CYREN: variants seen among roughly 807,000 people sequenced by gnomAD.
CYREN encodes cell cycle regulator of NHEJ.
A neutral mutation model predicts 9.7 loss-of-function variants in CYREN; 7 were observed. The ratio of observed to expected loss-of-function variants is 0.72; its 90% confidence interval spans 0.41 to 1.36. The LOEUF (loss-of-function observed/expected upper bound fraction) is 1.36. CYREN is among the 40% of genes most tolerant of loss of function. The pLI is 0.01. For missense variants in CYREN, 215 were observed against 198.1 expected (o/e 1.09, Z -0.51); for synonymous variants, 76 against 77.9 (o/e 0.98, Z 0.13).
chr7:135,129,060 T>C, intron 2 of CYREN: 1 of 1,608,684 alleles, frequency 6.2e-7, no homozygotes, highest in Non-Finnish European at 8.5e-7. Flanking sequence ...ATGCCTCAAC[T>C]GCCCAGAACC....
chr7:135,127,547 G>A (rs572599381), intron 2 of CYREN, among the ~76,000 whole-genome samples: 198 of 43,004 alleles, frequency 4.6e-3, no homozygotes, highest in African/African-American at 0.012. Flanking sequence ...GCAAGTCTCC[G>A]TCTAAAAAAA....
At chr7:135,102,022 C>T (rs940100536) in intron 2 of CYREN, among the ~76,000 whole-genome samples, 1 of 152,170 alleles carries the variant, frequency 6.6e-6, no homozygotes, top group African/African-American at 2.4e-5. Flanking sequence ...TTTTGCCTTC[C>T]ACCATGATCG....
chr7:135,161,170 G>A (rs191903364), downstream of CYREN, among the ~76,000 whole-genome samples: 565 of 152,246 alleles, frequency 3.7e-3, 2 homozygotes, highest in Admixed American at 6.3e-3. The surrounding 1 kb of genome is among the most constrained non-coding windows in gnomAD (Gnocchi z 4.1). Flanking sequence ...TTCTTGGCTC[G>A]TTTTGTTTTG....
chr7:135,166,480 AG>A lies in CYREN; in HGVS notation c.*130del. The A allele has an allele frequency of 7.0e-7, 1 of 1,432,878 alleles. No homozygotes were observed. The highest frequency in any genetic ancestry group is 9.3e-7 in the Non-Finnish European group (1 of 1,081,068). The allele number at this position is 1,432,878 out of a possible 1,614,324, so 88.8% of individuals were successfully genotyped here. The stretch of plus-strand genomic sequence containing the variant: ...GCTTCTGGCCTGAGGTGAATCTGCC[AG>A]GCCCAAGAAGGCACAAAGGTAGGAG... On this transcript the variant is annotated 3_prime_UTR_variant, in exon 4 of 4. Coordinates refer to ENST00000393114, the MANE Select transcript of CYREN (RefSeq NM_024033.4).
intron 2 of CYREN, among the ~76,000 whole-genome samples, chr7:135,139,595 T>G (rs1181716049): frequency 6.6e-6 from 1 of 152,058 alleles, no homozygotes; most frequent in African/African-American, 2.4e-5. Context: ...CACTTGTAAT[T>G]TTTGTTTTTG....
chr7:135,170,340 T>C (rs1366770896), intron 1 of CYREN: 1 of 152,358 alleles, frequency 6.6e-6, no homozygotes. Flanking sequence ...CGCGATGTGC[T>C]GCCAGTTCAC....
At chr7:135,128,827 G>A (rs1828323660) in intron 2 of CYREN, 1 of 1,160,666 alleles carries the variant, frequency 8.6e-7, no homozygotes, top group Non-Finnish European at 1.3e-6. Context: ...TGAGACAGCT[G>A]TGTGCAGGAT....
chr7:135,140,212 T>G (rs957323815), intron 2 of CYREN, among the ~76,000 whole-genome samples: 1 of 152,128 alleles, frequency 6.6e-6, no homozygotes, highest in Non-Finnish European at 1.5e-5. Context: ...TGTTTTTCCA[T>G]TTATTTGTGT....
chr7:135,133,340 A>G (rs1202433090), intron 2 of CYREN, among the ~76,000 whole-genome samples: 1 of 152,332 alleles, frequency 6.6e-6, no homozygotes, highest in South Asian at 2.1e-4. Context: ...GCCTCAATAA[A>G]GATGTCAGTT....
chr7:135,118,928 A>G (rs1826717980), intron 2 of CYREN, among the ~76,000 whole-genome samples: 1 of 152,282 alleles, frequency 6.6e-6, no homozygotes, highest in East Asian at 1.9e-4. Context: ...GGAAAGAGTC[A>G]GTGAATTGAG....
At chr7:135,119,701 C>T (rs1158748847) in intron 2 of CYREN, among the ~76,000 whole-genome samples, 2 of 151,984 alleles carry the variant, frequency 1.3e-5, no homozygotes, top group Non-Finnish European at 2.9e-5. Context: ...CACGGTGAAA[C>T]CCCGTCTCTA....
chr7:135,140,340 C>T (rs1164150643), intron 2 of CYREN, among the ~76,000 whole-genome samples: 2 of 151,976 alleles, frequency 1.3e-5, no homozygotes, highest in Non-Finnish European at 2.9e-5. Flanking sequence ...AATGGGATTG[C>T]ATTCCTGATT....
chr7:135,094,868 T>C (rs1022239382), intron 2 of CYREN, among the ~76,000 whole-genome samples: 1 of 152,210 alleles, frequency 6.6e-6, no homozygotes, highest in African/African-American at 2.4e-5. Context: ...TAATCATTAG[T>C]AGAATGGTGC....
chr7:135,168,670 C>T, intron 2 of CYREN, 116 bp downstream of exon 2: 2 of 1,448,396 alleles, frequency 1.4e-6, no homozygotes, highest in Non-Finnish European at 1.8e-6. Context: ...GATGATCAGA[C>T]TGAAACACCC....
At chr7:135,171,046 G>A (rs1192832465), upstream of CYREN, among the ~76,000 whole-genome samples, 1 of 152,154 alleles carries the variant, frequency 6.6e-6, no homozygotes, top group African/African-American at 2.4e-5. Flanking sequence ...GAAACCAGGC[G>A]AAGCTCCCTG....
chr7:135,115,027 G>A (rs543229582), intron 2 of CYREN, among the ~76,000 whole-genome samples: 3 of 152,214 alleles, frequency 2.0e-5, no homozygotes, highest in East Asian at 1.9e-4. Context: ...TCCTACCTCA[G>A]TAAGGGCCTT....
At chr7:135,126,269 T>C (rs1827852050) in intron 2 of CYREN, among the ~76,000 whole-genome samples, 1 of 152,066 alleles carries the variant, frequency 6.6e-6, no homozygotes, top group Non-Finnish European at 1.5e-5. Flanking sequence ...GAGAGCCAAA[T>C]CATAAATGAA....
intron 2 of CYREN, among the ~76,000 whole-genome samples, chr7:135,154,147 T>C (rs764054444): frequency 2.0e-5 from 3 of 152,208 alleles, no homozygotes; most frequent in Middle Eastern, 3.2e-3. Flanking sequence ...TCCTTGATGA[T>C]CTTTTGCATT....
At chr7:135,154,983 T>C (rs1431353745) in intron 2 of CYREN, among the ~76,000 whole-genome samples, 1 of 152,200 alleles carries the variant, frequency 6.6e-6, no homozygotes, top group Non-Finnish European at 1.5e-5. Context: ...CCTCTTTCTT[T>C]AGTGATATTT....
Sources: allele counts gnomAD v4.1 joint callset (sites outside exome capture counted in the v4.1 genomes callset), GRCh38; gene constraint gnomAD v4.1.1; non-coding constraint Gnocchi (gnomAD v3.1); transcripts MANE v1.5; gene names NCBI Gene and HGNC (gene_info 2026-07-23, HGNC 2026-07-21).